TCTN2: variants seen among roughly 807,000 people sequenced by gnomAD.
TCTN2 encodes the protein tectonic-2.
Under a neutral mutation model 83.4 loss-of-function variants are expected in TCTN2, and 66 were observed. The observed-to-expected ratio is 0.79, with a 90% CI of 0.65 to 0.97. TCTN2 has a LOEUF of 0.97. Ranked by LOEUF, TCTN2 falls within the 50% of genes least tolerant of loss-of-function variation. TCTN2 has a pLI of 0.00. For missense variants in TCTN2, 794 were observed against 858.1 expected (o/e 0.93, Z 0.93); for synonymous variants, 301 against 326.7 (o/e 0.92, Z 0.85).
In TCTN2 at chr12:123,679,306, T is replaced by C. The variant is rs766851594; in HGVS notation, c.564+17T>C. On this transcript the variant is annotated intron_variant, in intron 5 of 17. Transcript: ENST00000303372. ...TGTGACCAGGTATGTTCTTTGGTTA[T>C]TGGGCACAAAAGTTATGCTACCTGT... 2.5e-6 allele frequency: 4 copies of C among 1,609,538 alleles called. No individual in the cohort carries two copies. Among genetic ancestry groups the C allele is most frequent in the South Asian group, 2.2e-5 (2 of 90,998 alleles).
intron 13 of TCTN2, among the ~76,000 whole-genome samples, chr12:123,698,883 G>A (rs1327903913): frequency 6.6e-6 from 1 of 152,128 alleles, no homozygotes; most frequent in Non-Finnish European, 1.5e-5. Flanking sequence ...TGAGGCCTGA[G>A]TCCATGGGCA....
chr12:123,676,019 C>T (rs1455098174), intron 4 of TCTN2, among the ~76,000 whole-genome samples: 1 of 152,134 alleles, frequency 6.6e-6, no homozygotes, highest in Non-Finnish European at 1.5e-5. Context: ...TGGCTCATGC[C>T]TGTAATCCCA....
At chr12:123,689,535 C>T (rs576229998) in intron 7 of TCTN2, among the ~76,000 whole-genome samples, 56 of 152,126 alleles carry the variant, frequency 3.7e-4, no homozygotes, top group African/African-American at 1.2e-3. Context: ...ATTTTAGGTT[C>T]AGGGCTACAT....
chr12:123,698,137 G>T (rs1168793028), intron 13 of TCTN2, among the ~76,000 whole-genome samples: 1 of 151,978 alleles, frequency 6.6e-6, no homozygotes, highest in African/African-American at 2.4e-5. Flanking sequence ...CTGCCTCCCA[G>T]GTTCAAGTGA....
intron 13 of TCTN2, among the ~76,000 whole-genome samples, chr12:123,698,351 GT>G (rs1283386383): frequency 6.7e-6 from 1 of 149,738 alleles, no homozygotes; most frequent in Non-Finnish European, 1.5e-5. Context: ...CTTGTTTTTT[GT>G]TTTTTTGTTT....
rs145009839 is a variant in TCTN2 at position 123,684,599 on chromosome 12, C to T, written c.565-2237C>T. On this transcript the variant is annotated intron_variant, in intron 5 of 17. Coordinates refer to ENST00000303372, the MANE Select transcript of TCTN2 (RefSeq NM_024809.5). ...TATTTTCAGTAGAGACGAGTTTTGC[C>T]ATGTTCACCAGGCTGGCCTCGAACT... 6.6e-5 allele frequency among the ~76,000 whole-genome samples: 10 copies of T among 151,910 alleles called. 1 individual carries two copies. The East Asian group carries it at 1.9e-3, about 29-fold the overall frequency.
At chr12:123,705,352 A>G (rs992768053) in intron 15 of TCTN2, among the ~76,000 whole-genome samples, 21 of 152,050 alleles carry the variant, frequency 1.4e-4, no homozygotes, top group African/African-American at 5.1e-4. Context: ...TAGTAAAGAC[A>G]GGGTTTCACC....
Position 123,688,109 on chromosome 12 carries a change from G to GCGTTA in TCTN2, c.824_825insGTTAC (p.Asp276LeufsTer13). On this transcript the variant is annotated frameshift_variant, in exon 7 of 18. Coordinates refer to ENST00000303372, the MANE Select transcript of TCTN2 (RefSeq NM_024809.5). LOFTEE classifies it high-confidence loss of function. The stretch of plus-strand genomic sequence containing the variant: ...TGTGGATACTGACGCAAAAGACTTT[G>GCGTTA]CAGACTTTGGTTACAAACAAGGAGA... The GCGTTA allele has an allele frequency of 6.2e-7, 1 of 1,613,988 alleles. No homozygotes were observed. The highest frequency in any genetic ancestry group is 2.2e-5 in the East Asian group (1 of 44,888).
chr12:123,699,663 C>T (rs1279427044), intron 13 of TCTN2, 41 bp from the exon 14 acceptor site: 1 of 1,504,466 alleles, frequency 6.6e-7, no homozygotes, highest in African/African-American at 1.4e-5. Flanking sequence ...TAGGACAAGA[C>T]CTGCTGGCCA....
chr12:123,701,566 C>T (rs1027908404), intron 14 of TCTN2, among the ~76,000 whole-genome samples: 3 of 148,752 alleles, frequency 2.0e-5, no homozygotes, highest in East Asian at 1.9e-4. Flanking sequence ...GGTGAAACCC[C>T]GTCTCTACTA....
At chr12:123,688,553 T>A (rs1403685673) in intron 7 of TCTN2, among the ~76,000 whole-genome samples, 1 of 151,994 alleles carries the variant, frequency 6.6e-6, no homozygotes, top group Non-Finnish European at 1.5e-5. Flanking sequence ...CTATTGTTAA[T>A]TTAAGTCATA....
chr12:123,673,939 A>G, intron 4 of TCTN2, 129 bp downstream of exon 4: 2 of 862,230 alleles, frequency 2.3e-6, no homozygotes, highest in South Asian at 1.5e-5. Flanking sequence ...TAATGCTACA[A>G]ATGAGCTGTG....
chr12:123,706,083 C>T (rs1956226259), intron 15 of TCTN2, among the ~76,000 whole-genome samples: 2 of 152,274 alleles, frequency 1.3e-5, no homozygotes, highest in South Asian at 4.1e-4. Context: ...TAGATCTGGG[C>T]AGACTTTTAT....
rs550402161 is a variant in TCTN2, at chr12:123,705,850, G to A, written c.1770-876G>A. ...TGGCTCACTGCAACCTCCACCAACC[G>A]GGTTCAAGCGATTCTCCTGCCTCAG... On this transcript the variant is annotated intron_variant, in intron 15 of 17. Transcript: ENST00000303372. 4.2e-4 allele frequency among the ~76,000 whole-genome samples: 63 copies of A among 150,990 alleles called. 1 individual carries two copies. The highest frequency in any genetic ancestry group is 5.9e-4 in the East Asian group (3 of 5,128).
rs758451250 is a variant in TCTN2 at position 123,686,961 on chromosome 12, T to C, written c.690T>C (p.Asp230=). 1.2e-5 allele frequency: 20 copies of C among 1,614,186 alleles called. No individual in the cohort carries two copies. In the South Asian group the frequency reaches 1.8e-4, roughly 14 times the overall value. Residue 230 remains aspartate, a synonymous_variant, in exon 6 of 18, where the codon GAT becomes GAC. Transcript: ENST00000303372. ...GGACGACGACACGTGGTGTCCCCGA[T>C]TGGTTTCCCTTTCTGTGTGTGCAGT... The part of the protein sequence containing the change: ...SAGTTTRGVP[D]WFPFLCVQSP...
chr12:123,679,923 T>C (rs1258030304), intron 5 of TCTN2, among the ~76,000 whole-genome samples: 2 of 151,100 alleles, frequency 1.3e-5, no homozygotes, highest in African/African-American at 4.9e-5. Context: ...GTATTTTTAG[T>C]AGAGACGGGG....
In TCTN2 at chr12:123,704,569, T is replaced by C; in HGVS notation, c.1650T>C (p.Ala550=). ...CTGATCCAGGTGCAGACCCGCTGGC[T>C]AGCAGTGTGAACGGCATGTGCCTGG... ...DAPDPGADPL[A]SSVNGMCLDI... The change falls in exon 15 of 18, where the codon GCT becomes GCC. Residue 550 remains alanine, a synonymous_variant. Coordinates refer to ENST00000303372, the MANE Select transcript of TCTN2 (RefSeq NM_024809.5). 2.5e-6 allele frequency: 4 copies of C among 1,613,642 alleles called. No homozygotes were observed. The highest frequency in any genetic ancestry group is 2.2e-5 in the South Asian group (2 of 91,004).
intron 4 of TCTN2, among the ~76,000 whole-genome samples, chr12:123,678,942 C>T (rs1461795075): frequency 6.6e-6 from 1 of 151,876 alleles, no homozygotes; most frequent in Non-Finnish European, 1.5e-5. Flanking sequence ...GGACTACAGG[C>T]GCCTGCCACC....
intron 14 of TCTN2, chr12:123,700,104 C>G (rs1167812266): frequency 1.3e-5 from 6 of 473,380 alleles, no homozygotes; most frequent in Non-Finnish European, 2.3e-5. Flanking sequence ...CTCATCCTCC[C>G]AGGCTCAAGG....
Sources: allele counts gnomAD v4.1 joint callset (sites outside exome capture counted in the v4.1 genomes callset), GRCh38; gene constraint gnomAD v4.1.1; transcripts MANE v1.5; gene names NCBI Gene and HGNC (gene_info 2026-07-23, HGNC 2026-07-21).